Variants in CNTNAP2 observed in about 807,000 individuals in gnomAD.
CNTNAP2 encodes contactin associated protein 2.
In CNTNAP2, 98 loss-of-function variants were observed where a neutral mutation model predicts 155.2. The observed-to-expected ratio is 0.63, with a 90% CI of 0.54 to 0.75. CNTNAP2 has a LOEUF of 0.75. Ranked by LOEUF, CNTNAP2 falls within the 30% of genes least tolerant of loss-of-function variation. CNTNAP2 has a pLI of 0.00. For synonymous variants in CNTNAP2, 651 were observed against 631.2 expected, an observed-to-expected ratio of 1.03 and a Z score of -0.47; for missense variants, 1,727 against 1,688.1, an observed-to-expected ratio of 1.02 and a Z score of -0.40.
chr7:147,089,787 CTTATA>C (rs1400827463), intron 4 of CNTNAP2, among the ~76,000 whole-genome samples: 1 of 151,998 alleles, frequency 6.6e-6, no homozygotes, highest in Non-Finnish European at 1.5e-5. Context: ...GAAATTCTGG[CTTATA>C]TTATGCTGAT....
chr7:147,600,710 T>G (rs1296930483), intron 12 of CNTNAP2, among the ~76,000 whole-genome samples: 2 of 152,100 alleles, frequency 1.3e-5, no homozygotes, highest in Non-Finnish European at 2.9e-5. Context: ...GGTACTGTGT[T>G]TCATATCCTT....
chr7:147,576,515 T>G (rs941343059), intron 12 of CNTNAP2, among the ~76,000 whole-genome samples: 6 of 152,070 alleles, frequency 3.9e-5, no homozygotes, highest in African/African-American at 9.7e-5. Flanking sequence ...GAGTTTGCCT[T>G]ATACTGGGAT....
At chr7:147,132,769 T>G (rs1801403190) in intron 8 of CNTNAP2, among the ~76,000 whole-genome samples, 1 of 152,158 alleles carries the variant, frequency 6.6e-6, no homozygotes, top group African/African-American at 2.4e-5. Context: ...TGCTAGTTTA[T>G]TTTTAATAGA....
At chr7:147,503,705 G>A (rs1798858557) in intron 11 of CNTNAP2, among the ~76,000 whole-genome samples, 1 of 149,076 alleles carries the variant, frequency 6.7e-6, no homozygotes, top group South Asian at 2.1e-4. Context: ...AAATATTTTT[G>A]ACAGCAATTA....
intron 1 of CNTNAP2, among the ~76,000 whole-genome samples, chr7:146,327,945 C>T (rs1041918950): frequency 6.6e-6 from 1 of 152,202 alleles, no homozygotes; most frequent in Non-Finnish European, 1.5e-5. Flanking sequence ...TTCACACTAG[C>T]TGACAGTAAC....
intron 1 of CNTNAP2, among the ~76,000 whole-genome samples, chr7:146,134,823 T>C (rs992019809): frequency 1.3e-5 from 2 of 151,844 alleles, no homozygotes; most frequent in Non-Finnish European, 2.9e-5. Context: ...CAGTATTTTA[T>C]TGAGGATTTT....
intron 1 of CNTNAP2, among the ~76,000 whole-genome samples, chr7:146,483,657 T>A (rs1055594631): frequency 6.6e-6 from 1 of 151,410 alleles, no homozygotes; most frequent in South Asian, 2.1e-4. Flanking sequence ...ACCAGGTAAA[T>A]GTATGTCTTA....
In CNTNAP2 at chr7:147,603,260, G is replaced by GT. The variant is rs1036152631; in HGVS notation, c.1898-35840dup. On this transcript the variant is annotated intron_variant, in intron 12 of 23. Coordinates refer to ENST00000361727, the MANE Select transcript of CNTNAP2 (RefSeq NM_014141.6). ...AGTGATGATGAGCATTTTTTCATGT[G>GT]TTTTTTGGCTGCATAAATGTCTTCT... Among the ~76,000 whole-genome samples, 20 of 152,102 alleles carry GT rather than the reference G, an allele frequency of 1.3e-4. 1 individual carries two copies. Among genetic ancestry groups the GT allele is most frequent in the Non-Finnish European group, 2.2e-4 (15 of 67,996 alleles).
intron 10 of CNTNAP2, among the ~76,000 whole-genome samples, chr7:147,475,399 TA>T (rs1449829045): frequency 1.3e-5 from 2 of 152,210 alleles, no homozygotes; most frequent in African/African-American, 4.8e-5. Context: ...CATTGAAATT[TA>T]ATTTGGGCTG....
intron 8 of CNTNAP2, among the ~76,000 whole-genome samples, chr7:147,198,283 G>C (rs972300266): frequency 1.5e-4 from 20 of 135,522 alleles, no homozygotes; most frequent in Non-Finnish European, 2.6e-4. Flanking sequence ...CCGGGCTAGA[G>C]TGCAATGGTG....
At chr7:146,711,686 ATATACATATCTTATGTATACATATATAG>A (rs1240820948) in intron 1 of CNTNAP2, among the ~76,000 whole-genome samples, 35 of 146,828 alleles carry the variant, frequency 2.4e-4, no homozygotes, top group East Asian at 2.0e-3. Context: ...ATCTCATTAT[ATATACATATCTTATGTATACATATATAG>A]TATACACATC....
intron 1 of CNTNAP2, among the ~76,000 whole-genome samples, chr7:146,617,329 G>A (rs577404013): frequency 6.6e-6 from 1 of 152,206 alleles, no homozygotes; most frequent in Admixed American, 6.5e-5. Flanking sequence ...ATTCAAATGT[G>A]TTGGAACTGA....
chr7:147,062,121 C>T (rs182967340), intron 4 of CNTNAP2, among the ~76,000 whole-genome samples: 8,365 of 74,994 alleles, frequency 0.11, 401 homozygotes, highest in Middle Eastern at 0.35. Flanking sequence ...GAGCGAGACT[C>T]CGTCTCAAAA....
intron 4 of CNTNAP2, among the ~76,000 whole-genome samples, chr7:147,064,939 G>A (rs1188783653): frequency 1.3e-5 from 2 of 152,148 alleles, no homozygotes; most frequent in African/African-American, 4.8e-5. Context: ...TGATGAAAGT[G>A]TTTAACCTGT....
chr7:147,034,871 G>C (rs1799117937), intron 3 of CNTNAP2, among the ~76,000 whole-genome samples: 1 of 152,174 alleles, frequency 6.6e-6, no homozygotes, highest in Admixed American at 6.5e-5. Context: ...GTTTTTGTAG[G>C]CACAGGATGA....
At chr7:146,417,518 C>T (rs529833715) in intron 1 of CNTNAP2, among the ~76,000 whole-genome samples, 1 of 152,136 alleles carries the variant, frequency 6.6e-6, no homozygotes, top group Non-Finnish European at 1.5e-5. Context: ...AACTTTAGAT[C>T]TTGGTCTGAA....
chr7:146,117,625 CAG>C (rs1797504523), intron 1 of CNTNAP2, among the ~76,000 whole-genome samples: 1 of 152,072 alleles, frequency 6.6e-6, no homozygotes, highest in African/African-American at 2.4e-5. Context: ...TAGTAATAAA[CAG>C]ATTCTTAATA....
chr7:146,963,608 T>A (rs1361748954), intron 3 of CNTNAP2, among the ~76,000 whole-genome samples: 2 of 152,168 alleles, frequency 1.3e-5, no homozygotes, highest in Non-Finnish European at 2.9e-5. Context: ...TAATTCAGAT[T>A]TTTTTGACAG....
chr7:146,350,033 A>C (rs929848170), intron 1 of CNTNAP2, among the ~76,000 whole-genome samples: 1 of 152,090 alleles, frequency 6.6e-6, no homozygotes, highest in Non-Finnish European at 1.5e-5. Context: ...TAGATTGGGG[A>C]AGTTCTTCTG....
Sources: allele counts gnomAD v4.1 joint callset (sites outside exome capture counted in the v4.1 genomes callset), GRCh38; gene constraint gnomAD v4.1.1; transcripts MANE v1.5; gene names NCBI Gene and HGNC (gene_info 2026-07-23, HGNC 2026-07-21).